TAFA1: variants seen among roughly 807,000 people sequenced by gnomAD.
TAFA1 encodes chemokine-like protein TAFA-1.
A neutral mutation model predicts 18.5 loss-of-function variants in TAFA1; 4 were observed. The observed-to-expected ratio is 0.22, with a 90% confidence interval of 0.11 to 0.49. The LOEUF is 0.49. TAFA1 is among the 20% of genes least tolerant of loss of function. The pLI is 0.98. For missense variants in TAFA1, 147 were observed against 169.0 expected, an observed-to-expected ratio of 0.87 and a Z score of 0.72; for synonymous variants, 56 against 55.2, an observed-to-expected ratio of 1.01 and a Z score of -0.06.
At chr3:68,480,574 C>G (rs144608263) in intron 3 of TAFA1, among the ~76,000 whole-genome samples, 3 of 152,106 alleles carry the variant, frequency 2.0e-5, no homozygotes, top group African/African-American at 7.2e-5. Flanking sequence ...TCTGTAATAT[C>G]CCTTCTAGTA....
intron 2 of TAFA1, among the ~76,000 whole-genome samples, chr3:68,325,276 G>C (rs1008592055): frequency 6.6e-6 from 1 of 152,176 alleles, no homozygotes; most frequent in Non-Finnish European, 1.5e-5. Context: ...TTTCCCTGTA[G>C]AGCGACGTGG....
At chr3:68,374,143 C>T (rs529144357) in intron 2 of TAFA1, among the ~76,000 whole-genome samples, 43 of 152,282 alleles carry the variant, frequency 2.8e-4, no homozygotes, top group South Asian at 1.0e-3. Context: ...CATGGTGAAA[C>T]GTAGCCACCC....
intron 2 of TAFA1, among the ~76,000 whole-genome samples, chr3:68,170,930 C>G (rs1177214439): frequency 6.6e-6 from 1 of 151,972 alleles, no homozygotes; most frequent in Admixed American, 6.6e-5. Flanking sequence ...ATCCAGGAAA[C>G]TCATTAAGCC....
intron 2 of TAFA1, among the ~76,000 whole-genome samples, chr3:68,104,713 A>G (rs547064651): frequency 1.3e-5 from 2 of 152,228 alleles, no homozygotes; most frequent in East Asian, 1.9e-4. Flanking sequence ...TCATTTGTTT[A>G]CACATTGTTT....
intron 2 of TAFA1, among the ~76,000 whole-genome samples, chr3:68,035,790 T>TG (rs1446469884): frequency 1.3e-5 from 2 of 152,156 alleles, no homozygotes; most frequent in Admixed American, 6.5e-5. Context: ...TGTCCTTTAA[T>TG]GGGTTGGATA....
chr3:68,490,111 T>C (rs1463849603), intron 3 of TAFA1, among the ~76,000 whole-genome samples: 1 of 152,244 alleles, frequency 6.6e-6, no homozygotes, highest in Admixed American at 6.5e-5. Flanking sequence ...AAATTTTAGC[T>C]TGACAGATTT....
chr3:68,065,763 TATAC>T (rs36156407), intron 2 of TAFA1, among the ~76,000 whole-genome samples: 56,748 of 137,334 alleles, frequency 0.41, 10,976 homozygotes, highest in Admixed American at 0.47. Context: ...TATATATATA[TATAC>T]ACACACATTA....
At chr3:68,239,575 T>C (rs1003570704) in intron 2 of TAFA1, among the ~76,000 whole-genome samples, 3 of 152,170 alleles carry the variant, frequency 2.0e-5, no homozygotes, top group African/African-American at 4.8e-5. Context: ...ATGATGATGA[T>C]ATTACTAGCA....
intron 2 of TAFA1, among the ~76,000 whole-genome samples, chr3:68,349,488 T>C (rs897484167): frequency 1.3e-5 from 2 of 152,056 alleles, no homozygotes; most frequent in African/African-American, 2.4e-5. Context: ...CAGTCACAGA[T>C]GTTTAGTTCT....
intron 3 of TAFA1, among the ~76,000 whole-genome samples, chr3:68,498,005 T>C (rs575053882): frequency 6.6e-6 from 1 of 152,284 alleles, no homozygotes; most frequent in Non-Finnish European, 1.5e-5. Context: ...CTGGGGAGAA[T>C]AGGTGACTTC....
intron 3 of TAFA1, 29 bp downstream of exon 3, chr3:68,417,449 G>A (rs749010935): frequency 3.1e-6 from 5 of 1,609,670 alleles, no homozygotes; most frequent in South Asian, 2.2e-5. Context: ...CTCTTGAAAA[G>A]CTCACATGGC....
chr3:68,178,076 G>A (rs185482777), intron 2 of TAFA1, among the ~76,000 whole-genome samples: 195 of 152,106 alleles, frequency 1.3e-3, no homozygotes, highest in Non-Finnish European at 2.3e-3. Context: ...CCTGGGAGGC[G>A]GAGCTTGCAG....
At chr3:68,338,447 G>A (rs903772940) in intron 2 of TAFA1, among the ~76,000 whole-genome samples, 5 of 152,130 alleles carry the variant, frequency 3.3e-5, no homozygotes, top group African/African-American at 9.7e-5. Context: ...GTGAATGTTC[G>A]ATAAATGCTA....
chr3:68,096,820 C>A (rs965805836), intron 2 of TAFA1, among the ~76,000 whole-genome samples: 1 of 152,068 alleles, frequency 6.6e-6, no homozygotes, highest in African/African-American at 2.4e-5. Flanking sequence ...GAATTAGAAT[C>A]GCAAAGCACT....
rs576401332 is a variant in TAFA1, at chr3:68,124,248, G to T, written c.118+117504G>T. 2.6e-5 allele frequency among the ~76,000 whole-genome samples: 4 copies of T among 152,362 alleles called. No individual in the cohort carries two copies. In the South Asian group the frequency reaches 6.2e-4, roughly 24 times the overall value. On this transcript the variant is annotated intron_variant, in intron 2 of 4. Transcript: ENST00000478136. ...AATTATTGGGGGATAAAACATGACA[G>T]AAGCTTCTTCTATTTTCTTTCTGTC...
chr3:68,463,717 G>A (rs2071828689), intron 3 of TAFA1, among the ~76,000 whole-genome samples: 1 of 152,106 alleles, frequency 6.6e-6, no homozygotes, highest in Non-Finnish European at 1.5e-5. Flanking sequence ...GTGTCATGTT[G>A]GGTGAAGTCA....
At chr3:68,493,036 G>A (rs1439264045) in intron 3 of TAFA1, among the ~76,000 whole-genome samples, 1 of 152,102 alleles carries the variant, frequency 6.6e-6, no homozygotes, top group Non-Finnish European at 1.5e-5. Flanking sequence ...CCATTTTTAA[G>A]TGTACAGTTT....
At chr3:68,297,741 T>A (rs2068235633) in intron 2 of TAFA1, among the ~76,000 whole-genome samples, 1 of 152,196 alleles carries the variant, frequency 6.6e-6, no homozygotes. Context: ...CATTCATTTT[T>A]TTTTTTTACA....
intron 3 of TAFA1, among the ~76,000 whole-genome samples, chr3:68,520,461 G>C (rs1283161834): frequency 6.6e-6 from 1 of 152,068 alleles, no homozygotes; most frequent in Non-Finnish European, 1.5e-5. Flanking sequence ...TTCACTATAA[G>C]AGCAACTTCT....
Sources: gnomAD v4.1 joint callset for allele counts (sites outside exome capture counted in the v4.1 genomes callset) on GRCh38, gnomAD v4.1.1 for gene constraint, MANE v1.5 for transcripts, NCBI Gene and HGNC (gene_info 2026-07-23, HGNC 2026-07-21) for gene names.